The following SLC6A20 variants were observed in gnomAD, a reference collection of about 807,000 sequenced individuals.
SLC6A20 encodes the protein solute carrier family 6 member 20, also known as sodium- and chloride-dependent transporter XTRP3.
A neutral mutation model predicts 64.3 loss-of-function variants in SLC6A20; 73 were observed. The ratio of observed to expected loss-of-function variants is 1.14; its 90% CI spans 0.94 to 1.38. The LOEUF (loss-of-function observed/expected upper bound fraction) is 1.38, where lower values mean the gene tolerates loss of function less well. Among genes scored for constraint, SLC6A20 ranks in the 40% most tolerant of loss-of-function variants. The pLI is 0.00. For synonymous variants in SLC6A20, 347 were observed against 329.6 expected (o/e 1.05, Z -0.57); for missense variants, 725 against 772.8 (o/e 0.94, Z 0.73).
chr3:45,768,500 C>A (rs1699809582), intron 7 of SLC6A20, among the ~76,000 whole-genome samples: 1 of 152,316 alleles, frequency 6.6e-6, no homozygotes, highest in African/African-American at 2.4e-5. Context: ...CAAAGGACCT[C>A]ATGGGTCACC....
At chr3:45,790,987 T>G (rs957267904) in intron 1 of SLC6A20, among the ~76,000 whole-genome samples, 3 of 152,208 alleles carry the variant, frequency 2.0e-5, no homozygotes, top group African/African-American at 7.2e-5. Context: ...TAATTCTACA[T>G]GATGAGCTTT....
intron 3 of SLC6A20, 146 bp downstream of exon 3, chr3:45,779,863 G>C: frequency 2.4e-6 from 2 of 825,206 alleles, no homozygotes; most frequent in South Asian, 3.5e-5. Context: ...GGGGTGCATG[G>C]CTTCCCCTCC....
intron 8 of SLC6A20, 57 bp from the exon 9 acceptor site, chr3:45,763,129 C>G: frequency 6.2e-7 from 1 of 1,605,146 alleles, no homozygotes; most frequent in Non-Finnish European, 8.5e-7. Flanking sequence ...TACTGCTTAC[C>G]AGTTCTCTAC....
At chr3:45,783,794 C>T (rs1314709405) in intron 1 of SLC6A20, among the ~76,000 whole-genome samples, 1 of 152,216 alleles carries the variant, frequency 6.6e-6, no homozygotes, top group African/African-American at 2.4e-5. Context: ...ATGTGGGGGC[C>T]TAGAACAAAT....
chr3:45,775,981 AG>A lies in SLC6A20; in HGVS notation c.361del (p.Leu121CysfsTer8). 1 of 1,614,124 alleles carries A rather than the reference AG, an allele frequency of 6.2e-7. No individual in the cohort carries two copies. The highest frequency in any genetic ancestry group is 8.5e-7 in the Non-Finnish European group (1 of 1,179,970). On this transcript the variant is annotated frameshift_variant, in exon 4 of 11. Coordinates refer to ENST00000358525, the MANE Select transcript of SLC6A20 (RefSeq NM_020208.4). LOFTEE classifies it high-confidence loss of function. ...ATTCAGTGGGCAGACAGACCACGGC[AG>A]GGGATCCTGTGGGACCAAAGCAAGT... ...WYLFHSFQDP[L>X]PWSVCPLNGN...
intron 7 of SLC6A20, among the ~76,000 whole-genome samples, chr3:45,768,089 C>T (rs1699803624): frequency 6.6e-6 from 1 of 152,030 alleles, no homozygotes; most frequent in Non-Finnish European, 1.5e-5. Flanking sequence ...ATAAAATAAC[C>T]ATAATGTCAT....
At chr3:45,771,532 T>C (rs1041990906) in intron 5 of SLC6A20, 74 bp from the exon 6 acceptor site, 3 of 1,593,480 alleles carry the variant, frequency 1.9e-6, no homozygotes, top group Non-Finnish European at 2.6e-6. Context: ...AACAGGAGAG[T>C]AGCCCAGAGA....
chr3:45,770,438 C>T, intron 6 of SLC6A20, 67 bp from the exon 7 acceptor site: 1 of 1,576,424 alleles, frequency 6.3e-7, no homozygotes, highest in Non-Finnish European at 8.6e-7. Flanking sequence ...AGCCTCCCGT[C>T]AGCCTCTTCT....
In SLC6A20 at chr3:45,771,290, T is replaced by C. The variant is rs1372164966; in HGVS notation, c.862A>G (p.Ile288Val). The C allele has an allele frequency of 1.2e-6, 2 of 1,614,076 alleles. No homozygotes were observed. Among genetic ancestry groups the C allele is most frequent in the East Asian group, 2.2e-5 (1 of 44,896 alleles). The stretch of plus-strand genomic sequence containing the variant: ...GAGAAGGTGACAATGCTGGCAAATA[T>C]GGAGGTGAAGCTGTTGATGAGGGAC... ...IVSLINSFTS[I>V]FASIVTFSIY... The change falls in exon 6 of 11, where the codon ATA (isoleucine) becomes GTA (valine). Residue 288 changes from isoleucine (I) to valine (V), a missense_variant. Physicochemically the swap from Ile to Val is conservative, Grantham distance 29 (BLOSUM62 3). Coordinates refer to ENST00000358525, the MANE Select transcript of SLC6A20 (RefSeq NM_020208.4).
chr3:45,764,387 A>G (rs1699736331), intron 8 of SLC6A20, among the ~76,000 whole-genome samples: 1 of 152,204 alleles, frequency 6.6e-6, no homozygotes. Flanking sequence ...TGTGTACAAT[A>G]GGACTTCGTT....
rs1357090169 is a variant in SLC6A20 at position 45,780,111 on chromosome 3, G to C, written c.263-11C>G. 6.3e-7 allele frequency: 1 copy of C among 1,574,856 alleles called. No individual in the cohort carries two copies. Among genetic ancestry groups the C allele is most frequent in the Admixed American group, 1.8e-5 (1 of 54,424 alleles). Reference sequence around the variant, plus strand: ...CCACGCTGGCGACCCCTGCGAGGAAGCAGAGGGCCGCGCTGAGGACTGAGG... The same window carrying C: ...CCACGCTGGCGACCCCTGCGAGGAACCAGAGGGCCGCGCTGAGGACTGAGG... On this transcript the variant is annotated splice_polypyrimidine_tract_variant and intron_variant, in intron 2 of 10. Coordinates refer to ENST00000358525, the MANE Select transcript of SLC6A20 (RefSeq NM_020208.4).
intron 7 of SLC6A20, among the ~76,000 whole-genome samples, chr3:45,769,810 A>G (rs1333045301): frequency 1.3e-5 from 2 of 152,170 alleles, no homozygotes; most frequent in East Asian, 3.8e-4. Context: ...TGAGTAGGGA[A>G]AAAAAGGGGG....
chr3:45,781,462 G>GC (rs1473026726), intron 2 of SLC6A20, among the ~76,000 whole-genome samples: 1 of 152,214 alleles, frequency 6.6e-6, no homozygotes, highest in Non-Finnish European at 1.5e-5. Context: ...TGCAGAGGCA[G>GC]CCCTGGGTCA....
In SLC6A20 at chr3:45,771,097, A is replaced by G. The variant is rs941061171; in HGVS notation, c.935+120T>C. 1.0e-5 allele frequency: 15 copies of G among 1,437,556 alleles called. No individual in the cohort carries two copies. In the African/African-American group the frequency reaches 1.1e-4, roughly 11 times the overall value. The allele number at this position is 1,437,556 out of a possible 1,614,324, so 89.1% of individuals were successfully genotyped here. ...AACTGGTGGTGGTGTAGGGAGTCCAAATGTGAGCCCTGGATTGAGGACTCC... is the reference window on the plus strand; with the variant it reads ...AACTGGTGGTGGTGTAGGGAGTCCAGATGTGAGCCCTGGATTGAGGACTCC... On this transcript the variant is annotated intron_variant, in intron 6 of 10. Transcript: ENST00000358525.
At chr3:45,770,641 C>G (rs977057060) in intron 6 of SLC6A20, among the ~76,000 whole-genome samples, 2 of 151,648 alleles carry the variant, frequency 1.3e-5, no homozygotes, top group Non-Finnish European at 2.9e-5. Context: ...AAAATGCTCT[C>G]TATCTGGGCT....
chr3:45,768,142 A>G (rs946931485), intron 7 of SLC6A20, among the ~76,000 whole-genome samples: 3 of 152,336 alleles, frequency 2.0e-5, no homozygotes, highest in East Asian at 1.9e-4. Flanking sequence ...GAAAACAATC[A>G]TTTAAAATGG....
intron 4 of SLC6A20, among the ~76,000 whole-genome samples, chr3:45,774,396 AT>A (rs1461055298): frequency 1.3e-5 from 2 of 152,214 alleles, no homozygotes; most frequent in Non-Finnish European, 2.9e-5. Context: ...GCAAACATAA[AT>A]TACAAAAACA....
intron 2 of SLC6A20, among the ~76,000 whole-genome samples, chr3:45,781,504 C>T (rs1700084111): frequency 6.6e-6 from 1 of 152,156 alleles, no homozygotes; most frequent in South Asian, 2.1e-4. Context: ...GGAGGTTGTC[C>T]TGGAAGTGCC....
chr3:45,796,428 C>A lies in SLC6A20; in HGVS notation c.-9G>T, dbSNP rs771579729. 6.2e-7 allele frequency: 1 copy of A among 1,608,490 alleles called. No individual in the cohort carries two copies. Among genetic ancestry groups the A allele is most frequent in the South Asian group, 1.1e-5 (1 of 90,640 alleles). On this transcript the variant is annotated 5_prime_UTR_variant, in exon 1 of 11. Transcript: ENST00000358525. Reference sequence around the variant, plus strand: ...GGCCGCGCTTTCTCCATGGCCCCGGCCTCGGCGCGCTCGGCTCCGGCTCGG... The same window carrying A: ...GGCCGCGCTTTCTCCATGGCCCCGGACTCGGCGCGCTCGGCTCCGGCTCGG...
Sources: allele counts gnomAD v4.1 joint callset (sites outside exome capture counted in the v4.1 genomes callset), GRCh38; gene constraint gnomAD v4.1.1; transcripts MANE v1.5; gene names NCBI Gene and HGNC (gene_info 2026-07-23, HGNC 2026-07-21).